NLGN3: variants seen among roughly 807,000 people sequenced by gnomAD.
NLGN3 encodes the protein neuroligin 3.
NLGN3 carries 11 observed loss-of-function variants against 42.9 expected under a neutral mutation model. That is an observed-to-expected ratio of 0.26 (90% CI 0.16 to 0.42). NLGN3 has a LOEUF of 0.42. NLGN3 is among the 10% of genes least tolerant of loss of function. The pLI is 1.00. For synonymous variants in NLGN3, 279 were observed against 312.7 expected, an observed-to-expected ratio of 0.89 and a Z score of 1.14; for missense variants, 374 against 733.8, an observed-to-expected ratio of 0.51 and a Z score of 5.67.
chrX:71,150,082 G>A (rs772473285), intron 3 of NLGN3, among the ~76,000 whole-genome samples: 10 of 111,098 alleles, frequency 9.0e-5, no homozygotes, highest in East Asian at 5.6e-4. Flanking sequence ...AGCCCTGAGC[G>A]CTTCTAATGC....
rs2092389478 is a variant in NLGN3 at position 71,151,028 on chromosome X, G to C, written c.517+2123G>C. Among the ~76,000 whole-genome samples, 3 of 112,217 alleles carry C rather than the reference G, an allele frequency of 2.7e-5. No individual in the cohort carries two copies. The South Asian group carries it at 1.1e-3, about 41-fold the overall frequency. On this transcript the variant is annotated intron_variant, in intron 3 of 7. Transcript: ENST00000358741. ...GCTCTTAGCCTTGTATTAAAACTCA[G>C]CTGGTTTGGCCGGGCGCGGTGGCTT... is the stretch of plus-strand genomic sequence containing the variant.
At chrX:71,152,719 T>C (rs1459182698) in intron 3 of NLGN3, among the ~76,000 whole-genome samples, 1 of 111,159 alleles carries the variant, frequency 9.0e-6, no homozygotes, top group Admixed American at 9.5e-5. Flanking sequence ...CTATTTTTTT[T>C]CTCTCTCTCT....
At chrX:71,171,906 A>AG (rs750585804), downstream of NLGN3, among the ~76,000 whole-genome samples, 7 of 111,409 alleles carry the variant, frequency 6.3e-5, no homozygotes, top group African/African-American at 2.3e-4. Flanking sequence ...CTGAACTGGG[A>AG]GTGTGCTCGG....
chrX:71,170,270 T>G lies in NLGN3; in HGVS notation c.*173T>G. On this transcript the variant is annotated 3_prime_UTR_variant, in exon 8 of 8. Coordinates refer to ENST00000358741, the MANE Select transcript of NLGN3 (RefSeq NM_181303.2). ...GCACAAACATAGACAGATGTGGACA[T>G]GCACCCGCATGTACAAAAACACAAA... 1 of 1,125,052 alleles carries G rather than the reference T, an allele frequency of 8.9e-7. No homozygotes were observed. Among genetic ancestry groups the G allele is most frequent in the Non-Finnish European group, 1.2e-6 (1 of 855,998 alleles). 92.7% of individuals were successfully genotyped at this position (1,125,052 alleles called of 1,213,427 possible).
At chrX:71,159,660 T>C (rs927058762) in intron 5 of NLGN3, among the ~76,000 whole-genome samples, 1 of 111,203 alleles carries the variant, frequency 9.0e-6, no homozygotes, top group East Asian at 2.8e-4. Flanking sequence ...ATAAGATGTT[T>C]GTTTTTGTCT....
intron 7 of NLGN3, among the ~76,000 whole-genome samples, chrX:71,168,584 T>A (rs2147910277): frequency 9.3e-6 from 1 of 107,593 alleles, no homozygotes. Context: ...ACAAAAAATT[T>A]GCCAGGCGTG....
At chrX:71,171,387 C>G (rs2092471028), downstream of NLGN3, among the ~76,000 whole-genome samples, 1 of 108,929 alleles carries the variant, frequency 9.2e-6, no homozygotes, top group African/African-American at 3.4e-5. Flanking sequence ...GCATGAAGGC[C>G]TCTCCAATCT....
Position 71,148,084 on chromosome X carries a change from C to G in NLGN3, c.335C>G (p.Thr112Arg). ...CCAGTGTGCCCCCAGAACATCCACACAGCTGTGCCCGAAGTCATGCTGCCG... is the reference window on the plus strand; with the variant it reads ...CCAGTGTGCCCCCAGAACATCCACAGAGCTGTGCCCGAAGTCATGCTGCCG... The part of the protein sequence containing the change: ...FPPVCPQNIH[T>R]AVPEVMLPVW... The change falls in exon 2 of 8, where the codon ACA (threonine) becomes AGA (arginine). Residue 112 changes from threonine to arginine, a missense_variant. Around this residue, in one of 6 missense-constraint regions of NLGN3, gnomAD observed 109 missense variants for 173.3 expected, o/e 0.63. Transcript: ENST00000358741. 1 of 1,210,466 alleles carries G rather than the reference C, an allele frequency of 8.3e-7. No individual in the cohort carries two copies. The highest frequency in any genetic ancestry group is 1.1e-6 in the Non-Finnish European group (1 of 894,597).
In NLGN3 at chrX:71,168,820, AAAAAGAAAGAAAG is replaced by A. The variant is rs1312393787; in HGVS notation, c.1704-430_1704-418del. Among the ~76,000 whole-genome samples, 10 of 73,825 alleles carry A rather than the reference AAAAAGAAAGAAAG, an allele frequency of 1.4e-4. No homozygotes were observed. In the South Asian group the frequency reaches 2.1e-3, roughly 16 times the overall value. 64.1% of individuals were successfully genotyped at this position (73,825 alleles called of 115,157 possible). On this transcript the variant is annotated intron_variant, in intron 7 of 7. Coordinates refer to ENST00000358741, the MANE Select transcript of NLGN3 (RefSeq NM_181303.2). The stretch of plus-strand genomic sequence containing the variant: ...AGAGAGAAAGAAAGAAAGAGAAAAA[AAAAAGAAAGAAAG>A]AAAGAAAGAAAGAAAGAAAGAAAGA...
intron 1 of NLGN3, 35 bp from the exon 2 acceptor site, chrX:71,147,515 C>G: frequency 4.5e-6 from 2 of 441,062 alleles, no homozygotes. Context: ...CCTCCCAGAC[C>G]ATCTTGGATG....
At chrX:71,150,790 T>TG (rs926175818) in intron 3 of NLGN3, among the ~76,000 whole-genome samples, 1 of 109,741 alleles carries the variant, frequency 9.1e-6, no homozygotes, top group African/African-American at 3.3e-5. Flanking sequence ...TTAGGAAGAA[T>TG]GATCGCCCAG....
At chrX:71,161,963 A>C (rs1278586178) in intron 5 of NLGN3, among the ~76,000 whole-genome samples, 1 of 112,038 alleles carries the variant, frequency 8.9e-6, no homozygotes, top group Non-Finnish European at 1.9e-5. Context: ...TGAAGCCAAG[A>C]CCACTATTGC....
intron 5 of NLGN3, 142 bp downstream of exon 5, chrX:71,155,505 C>G (rs985563917): frequency 1.8e-5 from 14 of 787,401 alleles, no homozygotes; most frequent in Admixed American, 2.4e-5. Context: ...ATCCTCTGGC[C>G]CCTACCCAAA....
chrX:71,157,287 C>CTTATTTAT (rs397688201), intron 5 of NLGN3, among the ~76,000 whole-genome samples: 8,460 of 99,816 alleles, frequency 0.085, 485 homozygotes, highest in African/African-American at 0.18. Flanking sequence ...TTTTAATTTG[C>CTTATTTAT]TTATTTATTT....
rs1270023988 is a variant in NLGN3 at position 71,170,461 on chromosome X, G to A, written c.*364G>A. Reference sequence around the variant, plus strand: ...GGACACCCCCTTGGTGCTCGCCTTCGGCCTCTCTTGGAACTGCACCACCGA... The same window carrying A: ...GGACACCCCCTTGGTGCTCGCCTTCAGCCTCTCTTGGAACTGCACCACCGA... On this transcript the variant is annotated 3_prime_UTR_variant, in exon 8 of 8. Transcript: ENST00000358741. 16 of 913,773 alleles carry A rather than the reference G, an allele frequency of 1.8e-5. No homozygotes were observed. The highest frequency in any genetic ancestry group is 1.5e-4 in the Admixed American group (3 of 19,554). The allele number at this position is 913,773 out of a possible 1,213,427, so 75.3% of individuals were successfully genotyped here.
chrX:71,157,449 G>C (rs1036069866), intron 5 of NLGN3, among the ~76,000 whole-genome samples: 1 of 110,031 alleles, frequency 9.1e-6, no homozygotes, highest in Admixed American at 9.7e-5. Flanking sequence ...TCAGCCTCCT[G>C]AGTAGCTGGG....
chrX:71,161,899 T>A (rs1855172229), intron 5 of NLGN3, among the ~76,000 whole-genome samples: 1 of 113,242 alleles, frequency 8.8e-6, no homozygotes, highest in African/African-American at 3.2e-5. Flanking sequence ...CTTTGCCTGC[T>A]GATTAGGCCA....
chrX:71,161,325 G>A (rs1225587578), intron 5 of NLGN3, among the ~76,000 whole-genome samples: 1 of 106,987 alleles, frequency 9.3e-6, no homozygotes, highest in Non-Finnish European at 1.9e-5. Flanking sequence ...TGTTGGCCAG[G>A]CTGGTCTCGA....
intron 7 of NLGN3, 145 bp from the exon 8 acceptor site, chrX:71,169,109 G>A: frequency 1.6e-6 from 1 of 624,440 alleles, no homozygotes; most frequent in Non-Finnish European, 2.6e-6. Flanking sequence ...AGAAGCAGGT[G>A]TGGGCAGAGC....
Sources: allele counts gnomAD v4.1 joint callset (sites outside exome capture counted in the v4.1 genomes callset), GRCh38; gene constraint gnomAD v4.1.1; regional missense constraint gnomAD v4.1.1; transcripts MANE v1.5; gene names NCBI Gene and HGNC (gene_info 2026-07-23, HGNC 2026-07-21).